Variants in FOXO1 observed in about 807,000 individuals in gnomAD.
The protein encoded by FOXO1 is forkhead box protein O1.
FOXO1 carries 6 observed loss-of-function variants against 44.1 expected under a neutral mutation model. The ratio of observed to expected loss-of-function variants is 0.14; its 90% CI spans 0.07 to 0.27. The LOEUF is 0.27. Ranked by LOEUF, FOXO1 falls within the 10% of genes least tolerant of loss-of-function variation. The pLI is 1.00. For synonymous variants in FOXO1, 380 were observed against 362.7 expected, an observed-to-expected ratio of 1.05 and a Z score of -0.54; for missense variants, 737 against 888.8, an observed-to-expected ratio of 0.83 and a Z score of 2.17.
At chr13:40,578,840 G>A (rs1435750519) in intron 1 of FOXO1, among the ~76,000 whole-genome samples, 8 of 152,164 alleles carry the variant, frequency 5.3e-5, no homozygotes, top group Non-Finnish European at 1.0e-4. Flanking sequence ...GTTTTGTTTT[G>A]TTGGTGGGAT....
chr13:40,576,236 G>T (rs1196283421), intron 1 of FOXO1, among the ~76,000 whole-genome samples: 2 of 152,050 alleles, frequency 1.3e-5, no homozygotes, highest in African/African-American at 4.8e-5. Context: ...AAAGGGAGGA[G>T]AGAGAGAGAG....
intron 1 of FOXO1, among the ~76,000 whole-genome samples, chr13:40,600,135 C>A (rs1322784271): frequency 1.3e-5 from 2 of 152,178 alleles, no homozygotes; most frequent in African/African-American, 4.8e-5. Context: ...CTATTCAAAA[C>A]CTGATGACTT....
chr13:40,605,890 T>C (rs548841624), intron 1 of FOXO1, among the ~76,000 whole-genome samples: 2 of 152,114 alleles, frequency 1.3e-5, no homozygotes, highest in South Asian at 2.1e-4. Flanking sequence ...TCTTATCAGC[T>C]GACAAGTATT....
chr13:40,610,564 C>A (rs191629109), intron 1 of FOXO1, among the ~76,000 whole-genome samples: 1 of 152,314 alleles, frequency 6.6e-6, no homozygotes, highest in East Asian at 1.9e-4. Flanking sequence ...TATTTTCCAT[C>A]CTGATGGAGG....
At chr13:40,655,555 C>T (rs192954440) in intron 1 of FOXO1, among the ~76,000 whole-genome samples, 1 of 151,882 alleles carries the variant, frequency 6.6e-6, no homozygotes, top group East Asian at 1.9e-4. Context: ...CTGTCCCCCA[C>T]CCCTCATCAG....
chr13:40,573,410 T>C (rs1874623192), intron 1 of FOXO1, among the ~76,000 whole-genome samples: 1 of 152,198 alleles, frequency 6.6e-6, no homozygotes, highest in African/African-American at 2.4e-5. Context: ...GAGTCTGCCC[T>C]GGAACCACAT....
At chr13:40,599,049 A>C (rs1343637346) in intron 1 of FOXO1, among the ~76,000 whole-genome samples, 5 of 152,082 alleles carry the variant, frequency 3.3e-5, no homozygotes, top group East Asian at 1.9e-4. Flanking sequence ...GGAAGGGAGA[A>C]TTGCTTATTC....
At chr13:40,632,057 G>A (rs1306978997) in intron 1 of FOXO1, among the ~76,000 whole-genome samples, 1 of 151,930 alleles carries the variant, frequency 6.6e-6, no homozygotes, top group African/African-American at 2.4e-5. Context: ...GGATCACGAG[G>A]TCAGGAGATG....
chr13:40,657,520 G>C (rs1043234426), intron 1 of FOXO1, among the ~76,000 whole-genome samples: 1 of 152,064 alleles, frequency 6.6e-6, no homozygotes, highest in Admixed American at 6.6e-5. Context: ...TTTTAGCAGT[G>C]ACAGGGTGTT....
intron 1 of FOXO1, among the ~76,000 whole-genome samples, chr13:40,642,789 G>A (rs935505642): frequency 9.9e-5 from 15 of 152,010 alleles, no homozygotes; most frequent in East Asian, 3.9e-4. Flanking sequence ...CCATGGTGGC[G>A]TGCACCTGTG....
chr13:40,625,284 G>A (rs7330614), intron 1 of FOXO1, among the ~76,000 whole-genome samples: 63,089 of 152,044 alleles, frequency 0.41, 14,386 homozygotes, highest in East Asian at 0.75. Flanking sequence ...ACTAATGATT[G>A]AGTACTAAAT....
intron 1 of FOXO1, among the ~76,000 whole-genome samples, chr13:40,582,031 A>G (rs1053310235): frequency 2.0e-5 from 3 of 152,326 alleles, no homozygotes; most frequent in South Asian, 2.1e-4. Flanking sequence ...GAATATGGGT[A>G]CTAATTATAT....
At chr13:40,650,376 C>T (rs1877640350) in intron 1 of FOXO1, among the ~76,000 whole-genome samples, 1 of 152,152 alleles carries the variant, frequency 6.6e-6, no homozygotes, top group African/African-American at 2.4e-5. Context: ...ATGCCTTAAC[C>T]GTCTGGGAAT....
At chr13:40,571,500 C>CAG (rs1359928355) in intron 1 of FOXO1, among the ~76,000 whole-genome samples, 1 of 152,110 alleles carries the variant, frequency 6.6e-6, no homozygotes, top group Non-Finnish European at 1.5e-5. Context: ...ACCCACTCAC[C>CAG]AGCTCCTCCC....
At position 40,560,619 on chromosome 13, in the gene FOXO1, T is replaced by C; in HGVS notation, c.872A>G (p.Gln291Arg). 1 of 1,614,214 alleles carries C rather than the reference T, an allele frequency of 6.2e-7. No homozygotes were observed. Among genetic ancestry groups the C allele is most frequent in the Non-Finnish European group, 8.5e-7 (1 of 1,180,036 alleles). Residue 291 changes from glutamine to arginine, a missense_variant, in exon 2 of 3, where the codon CAG becomes CGG. By Grantham distance (43) the Gln-to-Arg change is conservative. Coordinates refer to ENST00000379561, the MANE Select transcript of FOXO1 (RefSeq NM_002015.4). This position sits in a 1 kb window ranked among gnomAD's most constrained non-coding sequence, Gnocchi z 5.1. ...QEGAGDSPGSQFSKWPASPGS... is the reference protein window; with the variant it reads ...QEGAGDSPGSRFSKWPASPGS... ...AGGGCTTGCAGGCCATTTGGAAAAC[T>C]GTGATCCAGGGCTGTCCCCAGCACC...
chr13:40,572,437 C>T (rs1874568875), intron 1 of FOXO1, among the ~76,000 whole-genome samples: 1 of 151,946 alleles, frequency 6.6e-6, no homozygotes, highest in Admixed American at 6.6e-5. Context: ...ATATGATAAT[C>T]CAGATTACAA....
intron 1 of FOXO1, among the ~76,000 whole-genome samples, chr13:40,664,051 GA>G (rs1566088786): frequency 6.6e-6 from 1 of 152,194 alleles, no homozygotes; most frequent in African/African-American, 2.4e-5. Context: ...GAGGCGGGCC[GA>G]TCACGAGGTC....
chr13:40,643,028 TAA>T (rs1877400498), intron 1 of FOXO1, among the ~76,000 whole-genome samples: 1 of 152,124 alleles, frequency 6.6e-6, no homozygotes, highest in Non-Finnish European at 1.5e-5. Flanking sequence ...ATGTTTCTAT[TAA>T]AAGTGTTTGT....
At chr13:40,569,653 T>G (rs1425008925) in intron 1 of FOXO1, among the ~76,000 whole-genome samples, 3 of 152,168 alleles carry the variant, frequency 2.0e-5, no homozygotes, top group South Asian at 2.1e-4. Flanking sequence ...ATGAAAGAAT[T>G]TGAGCATTTA....
Sources: allele counts gnomAD v4.1 joint callset (sites outside exome capture counted in the v4.1 genomes callset), GRCh38; gene constraint gnomAD v4.1.1; non-coding constraint Gnocchi (gnomAD v3.1); transcripts MANE v1.5; gene names NCBI Gene and HGNC (gene_info 2026-07-23, HGNC 2026-07-21).